ITFG1: variants seen among roughly 807,000 people sequenced by gnomAD.
ITFG1 encodes the protein integrin alpha FG-GAP repeat containing 1, also known as T-cell immunomodulatory protein.
ITFG1 carries 34 observed loss-of-function variants against 81.8 expected under a neutral mutation model. That is an observed-to-expected ratio of 0.42 (90% confidence interval 0.32 to 0.55). The LOEUF is 0.55. Among genes scored for constraint, ITFG1 ranks in the 20% least tolerant of loss-of-function variants. ITFG1 has a pLI of 0.17. For missense variants in ITFG1, 672 were observed against 755.4 expected (o/e 0.89, Z 1.29); for synonymous variants, 285 against 270.6 (o/e 1.05, Z -0.52).
intron 14 of ITFG1, among the ~76,000 whole-genome samples, chr16:47,198,039 G>C: frequency 6.6e-6 from 1 of 152,198 alleles, no homozygotes; most frequent in East Asian, 1.9e-4. Flanking sequence ...AGTGGAATCA[G>C]ACTGTTATTA....
intron 6 of ITFG1, among the ~76,000 whole-genome samples, chr16:47,398,109 C>G (rs1326447161): frequency 1.3e-5 from 2 of 152,228 alleles, no homozygotes; most frequent in African/African-American, 4.8e-5. Flanking sequence ...ACCACACACA[C>G]AGTAGGCTAG....
intron 14 of ITFG1, among the ~76,000 whole-genome samples, chr16:47,174,631 C>T (rs1035105389): frequency 1.3e-5 from 2 of 152,218 alleles, no homozygotes; most frequent in East Asian, 3.8e-4. Flanking sequence ...AGCAATTCTC[C>T]TGCCTCAGCC....
chr16:47,441,936 G>T (rs1422839738), intron 5 of ITFG1, among the ~76,000 whole-genome samples: 1 of 152,122 alleles, frequency 6.6e-6, no homozygotes, highest in African/African-American at 2.4e-5. Context: ...AAACCCCATC[G>T]TCTCAGCACA....
chr16:47,323,513 C>T (rs963526718), intron 8 of ITFG1, among the ~76,000 whole-genome samples: 5 of 152,158 alleles, frequency 3.3e-5, no homozygotes, highest in African/African-American at 1.2e-4. Context: ...TTGGACTTCT[C>T]AGATTACATA....
intron 12 of ITFG1, among the ~76,000 whole-genome samples, chr16:47,241,948 C>T (rs1231826628): frequency 7.0e-6 from 1 of 142,964 alleles, no homozygotes; most frequent in Non-Finnish European, 1.5e-5. Context: ...AGCAAGACTC[C>T]GTCTCAAAAA....
intron 7 of ITFG1, among the ~76,000 whole-genome samples, chr16:47,373,950 T>C (rs1019418943): frequency 2.0e-5 from 3 of 152,232 alleles, no homozygotes; most frequent in African/African-American, 7.2e-5. Flanking sequence ...TCCTAGTTAA[T>C]TCTGAATCTA....
At chr16:47,239,166 C>T (rs1477092258) in intron 12 of ITFG1, among the ~76,000 whole-genome samples, 1 of 151,822 alleles carries the variant, frequency 6.6e-6, no homozygotes, top group Non-Finnish European at 1.5e-5. Context: ...GAACTGCGAG[C>T]AATAAATTTC....
chr16:47,390,608 C>T (rs1179235330), intron 6 of ITFG1, among the ~76,000 whole-genome samples: 4 of 151,992 alleles, frequency 2.6e-5, no homozygotes, highest in Admixed American at 2.0e-4. Context: ...ACAGGGCACC[C>T]GCCACCACGC....
rs551454212 is a variant in ITFG1, at chr16:47,178,620, A to G, written c.1454-15956T>C. On this transcript the variant is annotated intron_variant, in intron 14 of 17. Coordinates refer to ENST00000320640, the MANE Select transcript of ITFG1 (RefSeq NM_030790.5). ...AAATGTTAGACCTAAAACCATAAAA[A>G]CCCTAGAAGAAAACCTAGGCAATAC... 3.9e-5 allele frequency among the ~76,000 whole-genome samples: 6 copies of G among 152,298 alleles called. No individual in the cohort carries two copies. The East Asian group carries it at 9.6e-4, about 24-fold the overall frequency.
At chr16:47,167,561 C>T (rs980841082) in intron 14 of ITFG1, among the ~76,000 whole-genome samples, 3 of 152,038 alleles carry the variant, frequency 2.0e-5, no homozygotes, top group Admixed American at 1.3e-4. Flanking sequence ...CACTCCTGCC[C>T]GCCAGAGAAC....
chr16:47,422,612 G>A (rs943269929), intron 6 of ITFG1, among the ~76,000 whole-genome samples: 6 of 152,216 alleles, frequency 3.9e-5, no homozygotes, highest in Admixed American at 1.3e-4. Context: ...CTGTGAGTCC[G>A]TCTAGTCCTG....
In ITFG1 at chr16:47,258,696, A is replaced by G; in HGVS notation, c.1266T>C (p.Asn422=). 2.6e-6 allele frequency: 4 copies of G among 1,562,230 alleles called. No individual in the cohort carries two copies. The highest frequency in any genetic ancestry group is 3.5e-6 in the Non-Finnish European group (4 of 1,147,910). ...TTTTTAGTGTATGAATGGCAAAATC[A>G]TTCTTTGTATATCCTTTACTTAGCA... is the stretch of plus-strand genomic sequence containing the variant. ...IVVLSKGYTK[N]DFAIHTLKNN... is the part of the protein sequence containing the mutation. Residue 422 remains asparagine (N), a synonymous_variant, in exon 12 of 18, where the codon AAT becomes AAC. Coordinates refer to ENST00000320640, the MANE Select transcript of ITFG1 (RefSeq NM_030790.5).
At chr16:47,426,618 G>GA (rs1969024341) in intron 6 of ITFG1, among the ~76,000 whole-genome samples, 2 of 150,914 alleles carry the variant, frequency 1.3e-5, no homozygotes, top group Admixed American at 1.3e-4. Flanking sequence ...GAAGTACCTA[G>GA]AATCTTAGAT....
At chr16:47,291,595 T>C (rs774300047) in intron 10 of ITFG1, among the ~76,000 whole-genome samples, 5 of 152,206 alleles carry the variant, frequency 3.3e-5, no homozygotes, top group Admixed American at 6.5e-5. Flanking sequence ...TGTGTGCCTA[T>C]TGATGTAACT....
chr16:47,336,086 C>G (rs1596906107), intron 8 of ITFG1, among the ~76,000 whole-genome samples: 1 of 152,160 alleles, frequency 6.6e-6, no homozygotes, highest in South Asian at 2.1e-4. Context: ...TAGATGCTAA[C>G]AAGCCAGAAA....
At chr16:47,392,630 CTTAA>C (rs1968546933) in intron 6 of ITFG1, among the ~76,000 whole-genome samples, 1 of 152,134 alleles carries the variant, frequency 6.6e-6, no homozygotes, top group South Asian at 2.1e-4. Flanking sequence ...TTCTCTACTT[CTTAA>C]TTAATTTATC....
At chr16:47,290,432 T>C (rs1490699270) in intron 10 of ITFG1, among the ~76,000 whole-genome samples, 1 of 152,180 alleles carries the variant, frequency 6.6e-6, no homozygotes, top group Non-Finnish European at 1.5e-5. Flanking sequence ...TATTATTGTA[T>C]TGAAGTCTAC....
chr16:47,298,831 G>C (rs1177802294), intron 10 of ITFG1, among the ~76,000 whole-genome samples: 1 of 152,168 alleles, frequency 6.6e-6, no homozygotes, highest in African/African-American at 2.4e-5. Flanking sequence ...ATAGCAGTAG[G>C]GTTTATATGT....
chr16:47,246,628 G>C (rs899132073), intron 12 of ITFG1, among the ~76,000 whole-genome samples: 1 of 152,164 alleles, frequency 6.6e-6, no homozygotes, highest in Non-Finnish European at 1.5e-5. Flanking sequence ...CAGCAGGTGA[G>C]GCTGACTCAG....
Sources: gnomAD v4.1 joint callset for allele counts (sites outside exome capture counted in the v4.1 genomes callset) on GRCh38, gnomAD v4.1.1 for gene constraint, MANE v1.5 for transcripts, NCBI Gene and HGNC (gene_info 2026-07-23, HGNC 2026-07-21) for gene names.